The following EML4 variants were observed in gnomAD, a reference collection of about 807,000 sequenced individuals.
The protein encoded by EML4 is echinoderm microtubule-associated protein-like 4.
A neutral mutation model predicts 129.0 loss-of-function variants in EML4; 72 were observed. The ratio of observed to expected loss-of-function variants is 0.56; its 90% CI spans 0.46 to 0.68. EML4 has a LOEUF of 0.68. Ranked by LOEUF, EML4 falls within the 30% of genes least tolerant of loss-of-function variation. The pLI is 0.00. For missense variants in EML4, 1,363 were observed against 1,190.6 expected, an observed-to-expected ratio of 1.14 and a Z score of -2.13; for synonymous variants, 532 against 405.0, an observed-to-expected ratio of 1.31 and a Z score of -3.77.
intron 1 of EML4, among the ~76,000 whole-genome samples, chr2:42,241,484 T>C (rs1675029128): frequency 6.6e-6 from 1 of 152,160 alleles, no homozygotes; most frequent in African/African-American, 2.4e-5. Context: ...ACTGAGATAC[T>C]TGAACATGTT....
intron 1 of EML4, among the ~76,000 whole-genome samples, chr2:42,178,100 G>C (rs1670712200): frequency 6.6e-6 from 1 of 152,172 alleles, no homozygotes; most frequent in Non-Finnish European, 1.5e-5. Flanking sequence ...AATATAATTA[G>C]AATATGTTTA....
chr2:42,262,027 A>G (rs1405377750), intron 4 of EML4, among the ~76,000 whole-genome samples: 1 of 152,058 alleles, frequency 6.6e-6, no homozygotes, highest in African/African-American at 2.4e-5. Flanking sequence ...CTGTTTAGAA[A>G]TGCTTATTCA....
At position 42,330,023 on chromosome 2, in the gene EML4, C is replaced by G. The variant is rs748827061; in HGVS notation, c.2762C>G (p.Thr921Arg). ...EEESRISSSP[T>R]LLENSLEQTV... ...GAAAGTAGAATAAGCAGTTCTCCCA[C>G]ACTTCTGGAGAACAGCCTGGAACAA... The change falls in exon 23 of 23, where the codon ACA (threonine) becomes AGA (arginine). Residue 921 changes from threonine to arginine, a missense_variant. By Grantham distance (71) the Thr-to-Arg change is moderately conservative. Coordinates refer to ENST00000318522, the MANE Select transcript of EML4 (RefSeq NM_019063.5). The G allele has an allele frequency of 1.2e-6, 2 of 1,613,734 alleles. No homozygotes were observed. Among genetic ancestry groups the G allele is most frequent in the East Asian group, 4.5e-5 (2 of 44,882 alleles).
intron 6 of EML4, among the ~76,000 whole-genome samples, chr2:42,273,186 G>C (rs1259742305): frequency 6.6e-6 from 1 of 152,006 alleles, no homozygotes; most frequent in Non-Finnish European, 1.5e-5. Flanking sequence ...TTTTTCCTGA[G>C]GATATAAGTG....
At chr2:42,254,266 G>A (rs2104346470) in intron 2 of EML4, among the ~76,000 whole-genome samples, 1 of 152,136 alleles carries the variant, frequency 6.6e-6, no homozygotes, top group East Asian at 1.9e-4. Context: ...ACCAGCCTGG[G>A]CAATGTGGCA....
chr2:42,256,330 C>G (rs1676146959), intron 2 of EML4, among the ~76,000 whole-genome samples, 171 bp from the exon 3 acceptor site: 1 of 152,140 alleles, frequency 6.6e-6, no homozygotes, highest in South Asian at 2.1e-4. Flanking sequence ...AGTCTTGAGA[C>G]AGTATCATGT....
chr2:42,303,193 A>G lies in EML4; in HGVS notation c.1731A>G (p.Arg577=), dbSNP rs764277425. The change falls in exon 15 of 23, where the codon CGA becomes CGG. Residue 577 remains arginine, a synonymous_variant. Transcript: ENST00000318522. ...GCACATCACGAAACTTTATTTTACG[A>G]GGAACATTTAATGATGGCTTCCAAA... The part of the protein sequence containing the change: ...LVGTSRNFIL[R]GTFNDGFQIE... 45 of 1,614,082 alleles carry G rather than the reference A, an allele frequency of 2.8e-5. No homozygotes were observed. Among genetic ancestry groups the G allele is most frequent in the Non-Finnish European group, 3.6e-5 (42 of 1,180,028 alleles).
chr2:42,299,749 G>A (rs996421067), intron 13 of EML4, among the ~76,000 whole-genome samples: 1 of 152,176 alleles, frequency 6.6e-6, no homozygotes, highest in Non-Finnish European at 1.5e-5. Flanking sequence ...GAGTGCAGTG[G>A]TGCGATTTCG....
At chr2:42,235,135 A>G (rs1328833228) in intron 1 of EML4, among the ~76,000 whole-genome samples, 2 of 152,248 alleles carry the variant, frequency 1.3e-5, no homozygotes, top group East Asian at 3.9e-4. Flanking sequence ...GTCTCTATTA[A>G]AAGTACAGAA....
At chr2:42,236,511 G>A (rs1280905123) in intron 1 of EML4, among the ~76,000 whole-genome samples, 1 of 152,144 alleles carries the variant, frequency 6.6e-6, no homozygotes, top group Non-Finnish European at 1.5e-5. Flanking sequence ...TTGGAACATA[G>A]CCACACCCAT....
chr2:42,183,807 T>A (rs1427090373), intron 1 of EML4, among the ~76,000 whole-genome samples: 1 of 152,148 alleles, frequency 6.6e-6, no homozygotes, highest in Non-Finnish European at 1.5e-5. Context: ...TCAGGTTAAT[T>A]ATTATAGGTC....
In EML4 at chr2:42,263,292, C is replaced by T. The variant is rs755869215; in HGVS notation, c.627C>T (p.Thr209=). ...CACCCAAATTAATACCAAAAGTTAC[C>T]AAAACTGCAGACAAGTAAGTATTGC... ...PSTPKLIPKV[T]KTADKHKDVI... Residue 209 remains threonine, a synonymous_variant, in exon 5 of 23, where the codon ACC becomes ACT. Transcript: ENST00000318522. The T allele has an allele frequency of 1.2e-6, 2 of 1,610,070 alleles. No individual in the cohort carries two copies. Among genetic ancestry groups the T allele is most frequent in the East Asian group, 4.5e-5 (2 of 44,626 alleles).
intron 17 of EML4, among the ~76,000 whole-genome samples, chr2:42,313,876 C>T (rs185913033): frequency 6.6e-5 from 10 of 150,850 alleles, no homozygotes; most frequent in Admixed American, 1.3e-4. Context: ...TGCAGTGAGC[C>T]GAGATAGTGC....
intron 1 of EML4, among the ~76,000 whole-genome samples, chr2:42,242,489 A>G (rs1054083539): frequency 6.6e-6 from 1 of 152,132 alleles, no homozygotes; most frequent in Non-Finnish European, 1.5e-5. Flanking sequence ...TATTTTTGAC[A>G]GTCCTAGGGT....
chr2:42,284,524 C>T (rs929315329), intron 8 of EML4, 110 bp from the exon 9 acceptor site: 11 of 598,648 alleles, frequency 1.8e-5, no homozygotes, highest in Non-Finnish European at 3.1e-5. Flanking sequence ...AACAGATAAA[C>T]GTATGTTTTT....
At chr2:42,203,308 G>A (rs919731352) in intron 1 of EML4, among the ~76,000 whole-genome samples, 6 of 152,148 alleles carry the variant, frequency 3.9e-5, no homozygotes, top group Non-Finnish European at 7.3e-5. Context: ...TCCAGTAGAC[G>A]TAGTTTATCT....
chr2:42,240,453 T>G (rs1205118900), intron 1 of EML4, among the ~76,000 whole-genome samples: 3 of 152,218 alleles, frequency 2.0e-5, no homozygotes, highest in Non-Finnish European at 4.4e-5. Context: ...TGTGTGTTTT[T>G]TGTGTTAATT....
rs752200795 is a variant in EML4, at chr2:42,326,292, G to GT, written c.2341+46dup. ...CCTGATGTAAAGAAGTGGTTTGTGGGTTTTTTATATATAATATTTACTTGC... is the reference window on the plus strand; with the variant it reads ...CCTGATGTAAAGAAGTGGTTTGTGGGTTTTTTTATATATAATATTTACTTGC... On this transcript the variant is annotated intron_variant, in intron 21 of 22. Coordinates refer to ENST00000318522, the MANE Select transcript of EML4 (RefSeq NM_019063.5). The GT allele has an allele frequency of 8.7e-6, 12 of 1,374,490 alleles. No individual in the cohort carries two copies. In the East Asian group the frequency reaches 1.9e-4, roughly 21 times the overall value. 85.1% of individuals were successfully genotyped at this position (1,374,490 alleles called of 1,614,324 possible).
At chr2:42,241,158 A>G (rs1181723311) in intron 1 of EML4, among the ~76,000 whole-genome samples, 1 of 152,120 alleles carries the variant, frequency 6.6e-6, no homozygotes, top group Non-Finnish European at 1.5e-5. Context: ...CTCAAAGAAA[A>G]AAAAAAAGCA....
Sources: allele counts gnomAD v4.1 joint callset (sites outside exome capture counted in the v4.1 genomes callset), GRCh38; gene constraint gnomAD v4.1.1; transcripts MANE v1.5; gene names NCBI Gene and HGNC (gene_info 2026-07-23, HGNC 2026-07-21).